The following CNOT6 variants were observed in gnomAD, a reference collection of about 807,000 sequenced individuals.
CNOT6 encodes CCR4-NOT transcription complex subunit 6, also known as carbon catabolite repression 4 protein.
A neutral mutation model predicts 61.2 loss-of-function variants in CNOT6; 12 were observed. The observed-to-expected ratio is 0.20, with a 90% confidence interval of 0.13 to 0.32. The LOEUF (loss-of-function observed/expected upper bound fraction) is 0.32. CNOT6 is among the 10% of genes least tolerant of loss of function. The pLI is 1.00. For missense variants in CNOT6, 405 were observed against 663.9 expected (o/e 0.61, Z 4.28); for synonymous variants, 225 against 240.6 (o/e 0.94, Z 0.60).
At chr5:180,533,953 G>A (rs914990992) in intron 2 of CNOT6, among the ~76,000 whole-genome samples, 9 of 152,100 alleles carry the variant, frequency 5.9e-5, no homozygotes, top group Non-Finnish European at 7.4e-5. Flanking sequence ...GGCAAAACTC[G>A]TGTCTCCTTT....
At chr5:180,525,364 C>T (rs1444404620) in intron 1 of CNOT6, among the ~76,000 whole-genome samples, 1 of 151,874 alleles carries the variant, frequency 6.6e-6, no homozygotes, top group South Asian at 2.1e-4. Flanking sequence ...TGGCGAAAAC[C>T]AATCTCTACA....
intron 4 of CNOT6, among the ~76,000 whole-genome samples, chr5:180,555,206 C>G (rs1241708944): frequency 6.6e-6 from 1 of 152,154 alleles, no homozygotes; most frequent in East Asian, 1.9e-4. Context: ...CGAGATTTCA[C>G]CTGTTGGCTA....
intron 1 of CNOT6, among the ~76,000 whole-genome samples, chr5:180,499,721 T>G (rs181493653): frequency 6.6e-5 from 10 of 152,328 alleles, no homozygotes; most frequent in Non-Finnish European, 1.3e-4. Flanking sequence ...TTAAGAAATA[T>G]ATAGATACTG....
chr5:180,515,040 CAT>C (rs1181118701), intron 1 of CNOT6, among the ~76,000 whole-genome samples: 1 of 152,082 alleles, frequency 6.6e-6, no homozygotes, highest in Admixed American at 6.6e-5. Flanking sequence ...GAGGCTGTAA[CAT>C]GTCGTCTGAG....
At chr5:180,566,382 ACT>A in intron 7 of CNOT6, among the ~76,000 whole-genome samples, 1 of 152,096 alleles carries the variant, frequency 6.6e-6, no homozygotes, top group Non-Finnish European at 1.5e-5. Flanking sequence ...TCTCAGTGCA[ACT>A]CTCATAGTCA....
chr5:180,542,257 T>C (rs1484964821), intron 2 of CNOT6, among the ~76,000 whole-genome samples: 1 of 151,650 alleles, frequency 6.6e-6, no homozygotes, highest in Admixed American at 6.6e-5. Context: ...GTTTCTGGTT[T>C]GGGCTACCAA....
At chr5:180,533,889 A>AAATCT (rs879612906) in intron 2 of CNOT6, among the ~76,000 whole-genome samples, 1 of 152,140 alleles carries the variant, frequency 6.6e-6, no homozygotes, top group Non-Finnish European at 1.5e-5. Context: ...CTGGACTCTG[A>AAATCT]AATCTAAGGC....
intron 4 of CNOT6, among the ~76,000 whole-genome samples, chr5:180,562,584 C>CA (rs1760242129): frequency 1.3e-5 from 2 of 151,928 alleles, no homozygotes; most frequent in Admixed American, 1.3e-4. Context: ...ACTAAAAATA[C>CA]AAAAAATTAG....
At chr5:180,563,623 T>G (rs1024976263) in intron 4 of CNOT6, among the ~76,000 whole-genome samples, 2 of 152,188 alleles carry the variant, frequency 1.3e-5, no homozygotes, top group Non-Finnish European at 2.9e-5. Context: ...CCTTTAGTTT[T>G]TCTTCATTTG....
intron 7 of CNOT6, 33 bp from the exon 8 acceptor site, chr5:180,567,055 T>C (rs767978882): frequency 3.2e-6 from 5 of 1,573,304 alleles, no homozygotes; most frequent in Non-Finnish European, 4.3e-6. Flanking sequence ...ATTTTTGTCT[T>C]ATGAAATAAC....
Position 180,574,514 on chromosome 5 carries a change from C to T in CNOT6, c.*314C>T, listed in dbSNP as rs954593159. 3.2e-5 allele frequency: 12 copies of T among 373,402 alleles called. No individual in the cohort carries two copies. The highest frequency in any genetic ancestry group is 8.7e-5 in the South Asian group (3 of 34,296). The allele number at this position is 373,402 out of a possible 1,614,324, so 23.1% of individuals were successfully genotyped here. A position where few individuals can be genotyped will look rare whatever the true frequency, so the allele number is the denominator to read the frequency against. On this transcript the variant is annotated 3_prime_UTR_variant, in exon 12 of 12. Transcript: ENST00000261951. ...TGGAAATAGGAAAATGTGTGAACAGCGTATTCTCTTCACACAGAAATCTGT... is the reference window on the plus strand; with the variant it reads ...TGGAAATAGGAAAATGTGTGAACAGTGTATTCTCTTCACACAGAAATCTGT...
chr5:180,538,545 G>A lies in CNOT6; in HGVS notation c.112+9157G>A, dbSNP rs79600211. Among the ~76,000 whole-genome samples, 562 of 151,228 alleles carry A rather than the reference G, an allele frequency of 3.7e-3. 3 individuals are homozygous for A. Among genetic ancestry groups the A allele is most frequent in the African/African-American group, 0.012 (505 of 41,358 alleles). ...TACTAAAATACAAAAAAAATTTGCCGGGCATAGTGGCGTGCTCCTGTAGTC... is the reference window on the plus strand; with the variant it reads ...TACTAAAATACAAAAAAAATTTGCCAGGCATAGTGGCGTGCTCCTGTAGTC... On this transcript the variant is annotated intron_variant, in intron 2 of 11. Coordinates refer to ENST00000261951, the MANE Select transcript of CNOT6 (RefSeq NM_001370472.1).
chr5:180,520,592 A>G (rs1046647556), intron 1 of CNOT6, among the ~76,000 whole-genome samples: 2 of 152,058 alleles, frequency 1.3e-5, no homozygotes, highest in Non-Finnish European at 2.9e-5. Flanking sequence ...CAGTGAGCCA[A>G]GATCACGCCA....
At position 180,541,076 on chromosome 5, in the gene CNOT6, A is replaced by G. The variant is rs149762831; in HGVS notation, c.113-8855A>G. 3.9e-3 allele frequency among the ~76,000 whole-genome samples: 599 copies of G among 152,136 alleles called. 18 individuals are homozygous for G. Among genetic ancestry groups the G allele is most frequent in the Admixed American group, 0.033 (506 of 15,276 alleles). ...AAAGAGGTTTTTGCTGAGCATAGAA[A>G]TCTAGATTGACAGTTCATATGTTTC... On this transcript the variant is annotated intron_variant, in intron 2 of 11. Transcript: ENST00000261951.
chr5:180,513,141 C>T (rs1757474871), intron 1 of CNOT6, among the ~76,000 whole-genome samples: 1 of 152,068 alleles, frequency 6.6e-6, no homozygotes, highest in Non-Finnish European at 1.5e-5. Flanking sequence ...TCGTGATCCA[C>T]CCGCCTTGGC....
At chr5:180,529,026 T>A (rs887690680) in intron 1 of CNOT6, among the ~76,000 whole-genome samples, 1 of 151,996 alleles carries the variant, frequency 6.6e-6, no homozygotes. Flanking sequence ...CTGGCCAATA[T>A]GGTGAAACCC....
intron 1 of CNOT6, among the ~76,000 whole-genome samples, chr5:180,505,608 C>T (rs1277234762): frequency 5.9e-5 from 8 of 135,248 alleles, no homozygotes; most frequent in Middle Eastern, 4.6e-3. Flanking sequence ...ACTGCAGTGG[C>T]GCGATCTCGG....
At chr5:180,549,839 T>G in intron 2 of CNOT6, 92 bp from the exon 3 acceptor site, 1 of 918,020 alleles carries the variant, frequency 1.1e-6, no homozygotes, top group Non-Finnish European at 1.7e-6. Flanking sequence ...TAATTTAAGT[T>G]ACTCATAAAA....
intron 1 of CNOT6, among the ~76,000 whole-genome samples, chr5:180,506,879 G>C (rs1451291158): frequency 2.0e-5 from 3 of 151,996 alleles, no homozygotes; most frequent in Non-Finnish European, 2.9e-5. Flanking sequence ...CCAAGCTCTG[G>C]AGTTATAAAA....
Sources: gnomAD v4.1 joint callset for allele counts (sites outside exome capture counted in the v4.1 genomes callset) on GRCh38, gnomAD v4.1.1 for gene constraint, MANE v1.5 for transcripts, NCBI Gene and HGNC (gene_info 2026-07-23, HGNC 2026-07-21) for gene names.